The following TAFA2 variants were observed in gnomAD, a reference collection of about 807,000 sequenced individuals.
TAFA2 encodes chemokine-like protein TAFA-2.
A neutral mutation model predicts 18.8 loss-of-function variants in TAFA2; 7 were observed. The ratio of observed to expected loss-of-function variants is 0.37; its 90% CI spans 0.21 to 0.70. The LOEUF (loss-of-function observed/expected upper bound fraction) is 0.70, where lower values mean the gene tolerates loss of function less well. Ranked by LOEUF, TAFA2 falls within the 30% of genes least tolerant of loss-of-function variation. The probability of loss-of-function intolerance (pLI) is 0.53; values close to 1 mark genes in which losing one functional copy is unlikely to be tolerated. For synonymous variants in TAFA2, 60 were observed against 54.2 expected (o/e 1.11, Z -0.47); for missense variants, 122 against 158.1 (o/e 0.77, Z 1.23).
chr12:61,778,052 G>T (rs1870345704), intron 2 of TAFA2, among the ~76,000 whole-genome samples: 1 of 151,872 alleles, frequency 6.6e-6, no homozygotes, highest in South Asian at 2.1e-4. Flanking sequence ...TATTGTGAAT[G>T]ACCTTGCGCA....
intron 2 of TAFA2, among the ~76,000 whole-genome samples, chr12:61,852,393 G>GA: frequency 6.6e-6 from 1 of 152,250 alleles, no homozygotes; most frequent in Non-Finnish European, 1.5e-5. Context: ...CAGAGCGAGT[G>GA]AGCTGTGGAT....
chr12:61,987,179 A>G (rs1197904241), intron 1 of TAFA2, among the ~76,000 whole-genome samples: 6 of 152,236 alleles, frequency 3.9e-5, no homozygotes, highest in Non-Finnish European at 7.3e-5. Context: ...TTGCAGTACA[A>G]TCTTAAGATT....
At chr12:62,137,824 T>C (rs1177945902) in intron 1 of TAFA2, among the ~76,000 whole-genome samples, 1 of 152,126 alleles carries the variant, frequency 6.6e-6, no homozygotes, top group Non-Finnish European at 1.5e-5. Flanking sequence ...GCATCGCTCC[T>C]GTATTCAAAC....
At chr12:61,883,320 G>A (rs983726788) in intron 1 of TAFA2, among the ~76,000 whole-genome samples, 1 of 152,090 alleles carries the variant, frequency 6.6e-6, no homozygotes, top group African/African-American at 2.4e-5. Context: ...CAGAGTAAAG[G>A]CATTATTTAC....
chr12:62,164,744 C>T (rs565240624), intron 1 of TAFA2, among the ~76,000 whole-genome samples: 62 of 152,190 alleles, frequency 4.1e-4, no homozygotes, highest in South Asian at 2.7e-3. Flanking sequence ...TAATTGTTAA[C>T]GCTTCTGTTA....
intron 4 of TAFA2, among the ~76,000 whole-genome samples, chr12:61,746,718 G>A (rs1868725794): frequency 6.6e-6 from 1 of 152,052 alleles, no homozygotes; most frequent in Non-Finnish European, 1.5e-5. Context: ...TTAGATTACA[G>A]GCCTGATGAA....
At chr12:61,813,188 C>T (rs1871944397) in intron 2 of TAFA2, among the ~76,000 whole-genome samples, 1 of 151,172 alleles carries the variant, frequency 6.6e-6, no homozygotes, top group Admixed American at 6.6e-5. Context: ...CATTTTTAAA[C>T]TTTGACAATT....
At chr12:62,023,215 A>T (rs1368792930) in intron 1 of TAFA2, among the ~76,000 whole-genome samples, 2 of 152,166 alleles carry the variant, frequency 1.3e-5, no homozygotes, top group Non-Finnish European at 2.9e-5. Flanking sequence ...ACCTGGAGTA[A>T]CTAGGTTGGA....
chr12:61,842,383 T>C (rs1038106619), intron 2 of TAFA2, among the ~76,000 whole-genome samples: 5 of 152,030 alleles, frequency 3.3e-5, no homozygotes, highest in Admixed American at 2.6e-4. Context: ...TTTTATTTTT[T>C]TTTTAAGTTG....
At chr12:61,861,973 C>CT (rs568537910) in intron 2 of TAFA2, among the ~76,000 whole-genome samples, 1 of 152,088 alleles carries the variant, frequency 6.6e-6, no homozygotes, top group Non-Finnish European at 1.5e-5. Context: ...TTTTAGGCTC[C>CT]TTTTTTTCGT....
chr12:61,756,919 G>A (rs1235452715), intron 2 of TAFA2, among the ~76,000 whole-genome samples: 1 of 152,052 alleles, frequency 6.6e-6, no homozygotes, highest in Admixed American at 6.6e-5. Flanking sequence ...TATATCCCCA[G>A]GGCAGCAAAG....
chr12:62,234,348 T>C, intron 1 of TAFA2: 2 of 563,914 alleles, frequency 3.5e-6, no homozygotes, highest in East Asian at 4.5e-5. Flanking sequence ...AGTTGCCAGG[T>C]CCAGTGTTCT....
At chr12:62,227,633 A>G (rs1174541719) in intron 1 of TAFA2, among the ~76,000 whole-genome samples, 1 of 152,170 alleles carries the variant, frequency 6.6e-6, no homozygotes, top group African/African-American at 2.4e-5. Context: ...TTGATATAAT[A>G]ACATTTGTCT....
chr12:61,780,127 A>G (rs923446685), intron 2 of TAFA2, among the ~76,000 whole-genome samples: 1 of 145,680 alleles, frequency 6.9e-6, no homozygotes, highest in Non-Finnish European at 1.5e-5. Flanking sequence ...AAGTCACAGG[A>G]CATATGGAAG....
At chr12:62,038,385 A>T (rs1881667394) in intron 1 of TAFA2, among the ~76,000 whole-genome samples, 1 of 152,144 alleles carries the variant, frequency 6.6e-6, no homozygotes, top group African/African-American at 2.4e-5. Context: ...GCATCCACAA[A>T]CTCGACCAAC....
At chr12:61,982,298 G>A (rs1265831892) in intron 1 of TAFA2, among the ~76,000 whole-genome samples, 3 of 152,024 alleles carry the variant, frequency 2.0e-5, no homozygotes, top group Non-Finnish European at 2.9e-5. Context: ...GTGGGGTGGG[G>A]GTCTGGGGGA....
intron 1 of TAFA2, among the ~76,000 whole-genome samples, chr12:61,978,541 A>C (rs1030757052): frequency 6.6e-6 from 1 of 151,998 alleles, no homozygotes; most frequent in South Asian, 2.1e-4. Flanking sequence ...GGGATGCAGA[A>C]GAACAGCCCC....
At chr12:62,037,322 A>T (rs1338474917) in intron 1 of TAFA2, among the ~76,000 whole-genome samples, 1 of 152,238 alleles carries the variant, frequency 6.6e-6, no homozygotes, top group African/African-American at 2.4e-5. Flanking sequence ...AATGTCCTTA[A>T]GCACACTAGA....
At chr12:62,120,251 A>T (rs17125904) in intron 1 of TAFA2, among the ~76,000 whole-genome samples, 1,909 of 152,316 alleles carry the variant, frequency 0.013, 39 homozygotes, top group African/African-American at 0.044. Flanking sequence ...CACAACTGAT[A>T]TACCCACAAA....
Sources: allele counts gnomAD v4.1 joint callset (sites outside exome capture counted in the v4.1 genomes callset), GRCh38; gene constraint gnomAD v4.1.1; transcripts MANE v1.5; gene names NCBI Gene and HGNC (gene_info 2026-07-23, HGNC 2026-07-21).